Variants in CHD7 observed in about 807,000 individuals in gnomAD.
CHD7 encodes the protein chromodomain helicase DNA binding protein 7.
Under a neutral mutation model 307.3 loss-of-function variants are expected in CHD7, and 24 were observed. The observed-to-expected ratio is 0.08, with a 90% CI of 0.06 to 0.11. CHD7 has a LOEUF of 0.11. Ranked by LOEUF, CHD7 falls within the 10% of genes least tolerant of loss-of-function variation. The probability of loss-of-function intolerance (pLI) is 1.00; values close to 1 mark genes in which losing one functional copy is unlikely to be tolerated. For synonymous variants in CHD7, 1,363 were observed against 1,349.9 expected (o/e 1.01, Z -0.21); for missense variants, 3,106 against 3,727.1 (o/e 0.83, Z 4.34).
At position 60,852,830 on chromosome 8, in the gene CHD7, A is replaced by T; in HGVS notation, c.6105A>T (p.Glu2035Asp). The change falls in exon 31 of 38, where the codon GAA becomes GAT. Residue 2035 changes from glutamate to aspartate, a missense_variant and splice_region_variant. By Grantham distance (45) the Glu-to-Asp change is conservative. This residue lies in a region of CHD7 where 1,030 missense variants were observed against 1,165.4 expected (regional missense o/e 0.88). Coordinates refer to ENST00000423902, the MANE Select transcript of CHD7 (RefSeq NM_017780.4). ...VCRMPVKPDD[E>D]PPDLSSIIEP... is the part of the protein sequence containing the mutation. Reference sequence around the variant, plus strand: ...AATATGAGCCCTTCTGTGTTACAGAACCGCCCGACCTCTCCTCCATAATTG... The same window carrying T: ...AATATGAGCCCTTCTGTGTTACAGATCCGCCCGACCTCTCCTCCATAATTG... The T allele has an allele frequency of 6.2e-7, 1 of 1,611,198 alleles. No homozygotes were observed. The highest frequency in any genetic ancestry group is 8.5e-7 in the Non-Finnish European group (1 of 1,177,840).
intron 1 of CHD7, among the ~76,000 whole-genome samples, chr8:60,686,049 T>A (rs530290351): frequency 1.8e-4 from 27 of 152,336 alleles, no homozygotes; most frequent in Non-Finnish European, 3.5e-4. Flanking sequence ...AAAGATACTT[T>A]TATTGTCATT....
intron 6 of CHD7, among the ~76,000 whole-genome samples, chr8:60,807,419 A>C (rs1812586949): frequency 6.6e-6 from 1 of 152,248 alleles, no homozygotes; most frequent in African/African-American, 2.4e-5. Flanking sequence ...CCTAAAACCA[A>C]AAGGGGAATA....
At chr8:60,748,985 T>G (rs36059133) in intron 2 of CHD7, among the ~76,000 whole-genome samples, 3 of 140,606 alleles carry the variant, frequency 2.1e-5, no homozygotes. Flanking sequence ...TTTTTTTTTT[T>G]TTAAAAAAAT....
At chr8:60,717,211 C>A (rs1807653780) in intron 1 of CHD7, among the ~76,000 whole-genome samples, 1 of 152,082 alleles carries the variant, frequency 6.6e-6, no homozygotes, top group African/African-American at 2.4e-5. Flanking sequence ...CATTAGTTTA[C>A]TGTCAAGTTG....
rs376934539 is a variant in CHD7 at position 60,865,305 on chromosome 8, C to G, written c.8366C>G (p.Ala2789Gly). 1 of 1,611,068 alleles carries G rather than the reference C, an allele frequency of 6.2e-7. No individual in the cohort carries two copies. The highest frequency in any genetic ancestry group is 8.5e-7 in the Non-Finnish European group (1 of 1,178,846). Residue 2789 changes from alanine (A) to glycine (G), a missense_variant, in exon 38 of 38, where the codon GCG becomes GGG. Around this residue, in one of 10 missense-constraint regions of CHD7, gnomAD observed 351 missense variants for 366.2 expected, o/e 0.96. Coordinates refer to ENST00000423902, the MANE Select transcript of CHD7 (RefSeq NM_017780.4). This position sits in a 1 kb window ranked among gnomAD's most constrained non-coding sequence, Gnocchi z 4.3. ...LATAATAGGD[A>G]KNPAAVLPLM... ...ACAGCTGCCACCGCCGGAGGCGATG[C>G]GAAGAACCCTGCTGCTGTGCTGCCC...
At position 60,678,767 on chromosome 8, in the gene CHD7, G is replaced by GGCGGCGGCGGCGGCGGCGGCGGCA. The variant is rs1174248628; in HGVS notation, c.-468_-445dup. The stretch of plus-strand genomic sequence containing the variant: ...GCAGGCGCTGGCGTGCTGGGGCCGC[G>GGCGGCGGCGGCGGCGGCGGCGGCA]GCGGCGGCGGCGGCGGCGGCGGCAG... On this transcript the variant is annotated 5_prime_UTR_variant, in exon 1 of 38. Coordinates refer to ENST00000423902, the MANE Select transcript of CHD7 (RefSeq NM_017780.4). The GGCGGCGGCGGCGGCGGCGGCGGCA allele has an allele frequency of 3.6e-5, 5 of 138,608 alleles. No homozygotes were observed. The highest frequency in any genetic ancestry group is 1.4e-4 in the Admixed American group (2 of 13,844). The allele number at this position is 138,608 out of a possible 1,614,324, so 8.6% of individuals were successfully genotyped here.
intron 8 of CHD7, among the ~76,000 whole-genome samples, chr8:60,819,056 C>T (rs572277562): frequency 3.9e-5 from 6 of 152,232 alleles, no homozygotes; most frequent in South Asian, 2.1e-4. Context: ...CGGGTTCAGG[C>T]GATTCTCCTG....
At position 60,865,419 on chromosome 8, in the gene CHD7, C is replaced by A; in HGVS notation, c.8480C>A (p.Thr2827Asn). ...NNPLSAATGN[T>N]TTASSQGEPE... ...CCTCTGTCAGCTGCTACTGGAAACA[C>A]CACTACTGCTTCTAGTCAAGGAGAA... Residue 2827 changes from threonine to asparagine, a missense_variant, in exon 38 of 38, where the codon ACC becomes AAC. Around this residue, in one of 10 missense-constraint regions of CHD7, gnomAD observed 351 missense variants for 366.2 expected, o/e 0.96. Transcript: ENST00000423902. The surrounding 1 kb of genome is among the most constrained non-coding windows in gnomAD (Gnocchi z 4.3). 6.2e-7 allele frequency: 1 copy of A among 1,613,908 alleles called. No individual in the cohort carries two copies. The highest frequency in any genetic ancestry group is 8.5e-7 in the Non-Finnish European group (1 of 1,179,876).
chr8:60,747,461 T>A (rs1809389441), intron 2 of CHD7, among the ~76,000 whole-genome samples: 1 of 152,222 alleles, frequency 6.6e-6, no homozygotes, highest in African/African-American at 2.4e-5. Flanking sequence ...CATAATACTT[T>A]TTAAATGAAA....
At chr8:60,753,679 C>T (rs2150601954) in intron 2 of CHD7, among the ~76,000 whole-genome samples, 1 of 151,424 alleles carries the variant, frequency 6.6e-6, no homozygotes, top group African/African-American at 2.4e-5. Flanking sequence ...ATGGAGTTTG[C>T]AGTGGTGCGA....
At chr8:60,721,245 A>T (rs1054818983) in intron 1 of CHD7, among the ~76,000 whole-genome samples, 1 of 152,166 alleles carries the variant, frequency 6.6e-6, no homozygotes. Flanking sequence ...AAGTGGTCAT[A>T]AGGTAGGATC....
chr8:60,817,016 G>T (rs945106572), intron 8 of CHD7, among the ~76,000 whole-genome samples: 1 of 152,152 alleles, frequency 6.6e-6, no homozygotes. Flanking sequence ...TTTATCCCAG[G>T]TATCAGTATA....
intron 1 of CHD7, among the ~76,000 whole-genome samples, chr8:60,719,453 C>T (rs959366962): frequency 1.7e-4 from 26 of 151,690 alleles, no homozygotes; most frequent in Admixed American, 1.3e-3. Context: ...ACTTTTTTTT[C>T]AGAATTTTCT....
intron 1 of CHD7, among the ~76,000 whole-genome samples, chr8:60,726,360 G>A (rs906531019): frequency 1.9e-4 from 29 of 152,144 alleles, no homozygotes; most frequent in Non-Finnish European, 1.5e-5. Context: ...GATAAACCAA[G>A]AATCAGAGAG....
chr8:60,695,599 A>G lies in CHD7; in HGVS notation c.-175+16517A>G, dbSNP rs913379719. On this transcript the variant is annotated intron_variant, in intron 1 of 37. Coordinates refer to ENST00000423902, the MANE Select transcript of CHD7 (RefSeq NM_017780.4). ...GCTTTAGCAACTCTAATACTTGTGT[A>G]TGGGTCTACTAAAAAGGCGCATCAG... Among the ~76,000 whole-genome samples, 20 of 152,328 alleles carry G rather than the reference A, an allele frequency of 1.3e-4. No individual in the cohort carries two copies. In the East Asian group the frequency reaches 2.9e-3, roughly 22 times the overall value.
In CHD7 at chr8:60,865,332, T is replaced by C. The variant is rs748833021; in HGVS notation, c.8393T>C (p.Leu2798Pro). Residue 2798 changes from leucine to proline, a missense_variant, in exon 38 of 38, where the codon CTG becomes CCG. Physicochemically the swap from Leu to Pro is moderately conservative, Grantham distance 98. Transcript: ENST00000423902. This position sits in a 1 kb window ranked among gnomAD's most constrained non-coding sequence, Gnocchi z 4.3. ...AAGAACCCTGCTGCTGTGCTGCCCC[T>C]GATGCTGCCAGGAATGGCGGGCCTG... is the stretch of plus-strand genomic sequence containing the variant. ...DAKNPAAVLP[L>P]MLPGMAGLPN... The C allele has an allele frequency of 2.5e-6, 4 of 1,612,320 alleles. No individual in the cohort carries two copies. The highest frequency in any genetic ancestry group is 2.2e-5 in the South Asian group (2 of 90,778).
intron 2 of CHD7, among the ~76,000 whole-genome samples, chr8:60,771,937 A>G (rs1810732900): frequency 1.3e-5 from 2 of 152,042 alleles, no homozygotes; most frequent in Non-Finnish European, 2.9e-5. Context: ...CCTTTAAGTA[A>G]CTCCAAACCA....
At chr8:60,737,207 G>GAT (rs1316795189) in intron 1 of CHD7, among the ~76,000 whole-genome samples, 1 of 152,074 alleles carries the variant, frequency 6.6e-6, no homozygotes, top group Non-Finnish European at 1.5e-5. Flanking sequence ...ATTTGGTGTT[G>GAT]ATATATGCTT....
At chr8:60,776,228 T>C (rs190277327) in intron 2 of CHD7, among the ~76,000 whole-genome samples, 36 of 152,362 alleles carry the variant, frequency 2.4e-4, no homozygotes, top group Non-Finnish European at 1.8e-4. Flanking sequence ...TAAAACTAAC[T>C]GGCATATCAA....
Sources: allele counts gnomAD v4.1 joint callset (sites outside exome capture counted in the v4.1 genomes callset), GRCh38; gene constraint gnomAD v4.1.1; regional missense constraint gnomAD v4.1.1; non-coding constraint Gnocchi (gnomAD v3.1); transcripts MANE v1.5; gene names NCBI Gene and HGNC (gene_info 2026-07-23, HGNC 2026-07-21).